The following USP34 variants were observed in gnomAD, a reference collection of about 807,000 sequenced individuals.
The protein encoded by USP34 is ubiquitin specific peptidase 34, also known as ubiquitin carboxyl-terminal hydrolase 34.
Under a neutral mutation model 460.3 loss-of-function variants are expected in USP34, and 70 were observed. The ratio of observed to expected loss-of-function variants is 0.15; its 90% CI spans 0.13 to 0.19. The LOEUF (loss-of-function observed/expected upper bound fraction) is 0.19, where lower values mean the gene tolerates loss of function less well. Ranked by LOEUF, USP34 falls within the 10% of genes least tolerant of loss-of-function variation. USP34 has a pLI of 1.00. For missense variants in USP34, 3,985 were observed against 4,236.2 expected (o/e 0.94, Z 1.65); for synonymous variants, 1,647 against 1,405.3 (o/e 1.17, Z -3.85).
At chr2:61,375,791 A>AAAAAAAAAAAAAAAAC (rs1692779045) in intron 8 of USP34, among the ~76,000 whole-genome samples, 1 of 150,386 alleles carries the variant, frequency 6.6e-6, no homozygotes, top group Admixed American at 6.6e-5. Flanking sequence ...AAAAAAAAAA[A>AAAAAAAAAAAAAAAAC]AAAGTAGAAA....
Position 61,383,322 on chromosome 2 carries a change from T to C in USP34, c.768A>G (p.Leu256=), listed in dbSNP as rs369154754. The C allele has an allele frequency of 1.9e-6, 3 of 1,603,164 alleles. No individual in the cohort carries two copies. Among genetic ancestry groups the C allele is most frequent in the African/African-American group, 1.3e-5 (1 of 74,750 alleles). The change falls in exon 6 of 80, where the codon CTA becomes CTG. Residue 256 remains leucine (L), a synonymous_variant. Transcript: ENST00000398571. ...TGTGCTGCATGACAGCGGGAATATG[T>C]AGCCATATTCTAATCTATATAAGAA... ...ITVVSNIRIW[L]HIPAVMQHII...
At chr2:61,452,004 C>G (rs1695292899) in intron 1 of USP34, among the ~76,000 whole-genome samples, 1 of 151,626 alleles carries the variant, frequency 6.6e-6, no homozygotes, top group Non-Finnish European at 1.5e-5. Flanking sequence ...TGAAACCCGT[C>G]TCTACTAAAA....
intron 20 of USP34, 61 bp downstream of exon 20, chr2:61,331,215 A>G (rs1691251562): frequency 7.2e-7 from 1 of 1,398,344 alleles, no homozygotes; most frequent in Non-Finnish European, 9.8e-7. Flanking sequence ...ACACTGGAAA[A>G]TCATCTTTCA....
chr2:61,371,912 A>G (rs1692639890), intron 8 of USP34, among the ~76,000 whole-genome samples: 1 of 152,206 alleles, frequency 6.6e-6, no homozygotes, highest in Non-Finnish European at 1.5e-5. Context: ...AATTAAGTAC[A>G]GTAAGATGCT....
intron 32 of USP34, 49 bp from the exon 33 acceptor site, chr2:61,293,599 G>T: frequency 7.2e-7 from 1 of 1,390,652 alleles, no homozygotes; most frequent in Non-Finnish European, 1.0e-6. Context: ...GATATATAAT[G>T]CAATAATGCT....
At chr2:61,394,559 TAA>T (rs1693458138) in intron 5 of USP34, among the ~76,000 whole-genome samples, 1 of 115,564 alleles carries the variant, frequency 8.7e-6, no homozygotes, top group Non-Finnish European at 1.9e-5. Context: ...AAAAAAAAAA[TAA>T]GTTAAAAAAT....
At chr2:61,313,820 C>T (rs1690666486) in intron 25 of USP34, among the ~76,000 whole-genome samples, 1 of 152,026 alleles carries the variant, frequency 6.6e-6, no homozygotes, top group African/African-American at 2.4e-5. Context: ...CTTTACTATG[C>T]AATCTTTCTT....
chr2:61,357,781 T>C (rs1020739586), intron 10 of USP34, among the ~76,000 whole-genome samples: 1 of 152,198 alleles, frequency 6.6e-6, no homozygotes, highest in Admixed American at 6.5e-5. Context: ...CACAAGCCTG[T>C]AGTCCTAGCT....
In USP34 at chr2:61,221,583, C is replaced by T. The variant is rs756248470; in HGVS notation, c.7818G>A (p.Leu2606=). ...CAGCAAACTCCATTAGCATAGTCAA[C>T]AACTTAAAGAAAGGATTGGCTGCCT... is the stretch of plus-strand genomic sequence containing the variant. ...TPEAANPFFK[L]LTMLMEFAGG... The change falls in exon 66 of 80, where the codon TTG becomes TTA. Residue 2606 remains leucine, a synonymous_variant. Transcript: ENST00000398571. 8.7e-6 allele frequency: 14 copies of T among 1,613,930 alleles called. No homozygotes were observed. In the East Asian group the frequency reaches 2.0e-4, roughly 23 times the overall value.
intron 1 of USP34, among the ~76,000 whole-genome samples, chr2:61,442,616 G>T (rs555141735): frequency 2.0e-5 from 3 of 152,094 alleles, no homozygotes; most frequent in Non-Finnish European, 4.4e-5. Context: ...AACAAATGCT[G>T]GCAAGGATGC....
rs554675901 is a variant in USP34, at chr2:61,297,578, T to C, written c.4129-653A>G. On this transcript the variant is annotated intron_variant, in intron 29 of 79. Coordinates refer to ENST00000398571, the MANE Select transcript of USP34 (RefSeq NM_014709.4). ...GAGGTAAAAAGAGTAAAAACTAAAA[T>C]TGACAGTTTTGGTATTTTCCACGGA... 3.9e-4 allele frequency among the ~76,000 whole-genome samples: 60 copies of C among 152,316 alleles called. 1 individual carries two copies. Among genetic ancestry groups the C allele is most frequent in the African/African-American group, 1.4e-3 (59 of 41,560 alleles).
chr2:61,278,890 A>C (rs1489954948), intron 39 of USP34, among the ~76,000 whole-genome samples: 2 of 152,194 alleles, frequency 1.3e-5, no homozygotes, highest in Non-Finnish European at 2.9e-5. Context: ...TAATACCTTT[A>C]AATTAGACTT....
intron 1 of USP34, among the ~76,000 whole-genome samples, chr2:61,449,437 T>C (rs1038757832): frequency 6.7e-6 from 1 of 150,062 alleles, no homozygotes; most frequent in East Asian, 1.9e-4. Context: ...CTGGCATCTT[T>C]GTAGAAGTTT....
At chr2:61,274,824 C>T (rs932201385) in intron 41 of USP34, among the ~76,000 whole-genome samples, 1 of 152,188 alleles carries the variant, frequency 6.6e-6, no homozygotes, top group African/African-American at 2.4e-5. Context: ...AAACTATAAA[C>T]GTATACTCCA....
intron 33 of USP34, among the ~76,000 whole-genome samples, chr2:61,290,648 T>C (rs913885658): frequency 2.0e-5 from 3 of 152,110 alleles, no homozygotes; most frequent in Non-Finnish European, 2.9e-5. Context: ...GAAAAATTAA[T>C]AGCAAAACTG....
intron 32 of USP34, among the ~76,000 whole-genome samples, chr2:61,294,345 CAA>C (rs201385955): frequency 7.4e-6 from 1 of 134,672 alleles, no homozygotes; most frequent in Non-Finnish European, 1.6e-5. Flanking sequence ...GACTCCATTT[CAA>C]AAAAAAAAAA....
intron 1 of USP34, among the ~76,000 whole-genome samples, chr2:61,466,504 G>C (rs1257088700): frequency 6.6e-6 from 1 of 152,150 alleles, no homozygotes; most frequent in Non-Finnish European, 1.5e-5. Flanking sequence ...CTAAATGTTT[G>C]AGATGGATAT....
chr2:61,454,863 TTTTTTTC>T (rs1161976572), intron 1 of USP34, among the ~76,000 whole-genome samples: 6 of 89,940 alleles, frequency 6.7e-5, no homozygotes, highest in South Asian at 3.7e-4. Flanking sequence ...AGTGGGGTTT[TTTTTTTC>T]TTTTTTTTTT....
intron 66 of USP34, among the ~76,000 whole-genome samples, chr2:61,221,046 G>A (rs1052117123): frequency 3.9e-5 from 6 of 152,198 alleles, no homozygotes; most frequent in Non-Finnish European, 8.8e-5. Context: ...AACAGACACT[G>A]TATGCCACAC....
Sources: gnomAD v4.1 joint callset for allele counts (sites outside exome capture counted in the v4.1 genomes callset) on GRCh38, gnomAD v4.1.1 for gene constraint, MANE v1.5 for transcripts, NCBI Gene and HGNC (gene_info 2026-07-23, HGNC 2026-07-21) for gene names.